LAMP3: variants seen among roughly 807,000 people sequenced by gnomAD.
The protein encoded by LAMP3 is lysosome associated membrane protein 3, also known as lysosome-associated membrane glycoprotein 3.
A neutral mutation model predicts 34.8 loss-of-function variants in LAMP3; 26 were observed. That is an observed-to-expected ratio of 0.75 (90% confidence interval 0.55 to 1.04). The LOEUF (loss-of-function observed/expected upper bound fraction) is 1.04, where lower values mean the gene tolerates loss of function less well. Among genes scored for constraint, LAMP3 ranks in the 50% least tolerant of loss-of-function variants. The probability of loss-of-function intolerance (pLI) is 0.00; values close to 1 mark genes in which losing one functional copy is unlikely to be tolerated. For synonymous variants in LAMP3, 180 were observed against 201.9 expected (o/e 0.89, Z 0.92); for missense variants, 495 against 524.0 (o/e 0.94, Z 0.54).
At chr3:183,140,045 A>T (rs547512156) in intron 4 of LAMP3, among the ~76,000 whole-genome samples, 2 of 152,314 alleles carry the variant, frequency 1.3e-5, no homozygotes, top group South Asian at 2.1e-4. Flanking sequence ...TGGGCAAATT[A>T]CAGCACACAG....
chr3:183,147,793 C>A (rs1388951503), intron 3 of LAMP3, among the ~76,000 whole-genome samples: 1 of 152,114 alleles, frequency 6.6e-6, no homozygotes. Flanking sequence ...TAGCTCATTG[C>A]AGCCTTGACC....
At chr3:183,132,845 C>T in intron 5 of LAMP3, 1 of 985,458 alleles carries the variant, frequency 1.0e-6, no homozygotes, top group Non-Finnish European at 1.2e-6. Flanking sequence ...TCTACTGGGC[C>T]TCTTTCTGGC....
intron 5 of LAMP3, among the ~76,000 whole-genome samples, chr3:183,133,189 A>G (rs1719979472): frequency 6.6e-6 from 1 of 152,214 alleles, no homozygotes. Context: ...GCCCAGACAC[A>G]TGCCCAAGAA....
At chr3:183,124,475 T>C (rs561373713) in intron 5 of LAMP3, among the ~76,000 whole-genome samples, 62 of 152,356 alleles carry the variant, frequency 4.1e-4, no homozygotes, top group African/African-American at 1.4e-3. Context: ...ATCATAATCC[T>C]TATTTCCTGA....
intron 1 of LAMP3, among the ~76,000 whole-genome samples, chr3:183,161,194 G>T (rs1720965767): frequency 6.6e-6 from 1 of 152,164 alleles, no homozygotes; most frequent in African/African-American, 2.4e-5. Context: ...AGGCCTCCCT[G>T]CTGGGAAGGG....
chr3:183,155,085 T>A (rs1156705432), intron 1 of LAMP3, among the ~76,000 whole-genome samples: 2 of 152,164 alleles, frequency 1.3e-5, no homozygotes, highest in African/African-American at 4.8e-5. Flanking sequence ...CGGCTAATTT[T>A]TGTATTTTTA....
rs267599701 is a variant in LAMP3 at position 183,135,787 on chromosome 3, G to A, written c.1047C>T (p.Ala349=). The stretch of plus-strand genomic sequence containing the variant: ...CATCGGTTGTTTTCACCTGCAGGTG[G>A]GCTGACAACTGGAGGCTCTGTTCAC... ...CVSEQSLQLS[A]HLQVKTTDVQ... is the part of the protein sequence containing the mutation. Residue 349 remains alanine, a synonymous_variant, in exon 5 of 6, where the codon GCC becomes GCT. Coordinates refer to ENST00000265598, the MANE Select transcript of LAMP3 (RefSeq NM_014398.4). 3 of 1,614,046 alleles carry A rather than the reference G, an allele frequency of 1.9e-6. No individual in the cohort carries two copies. The highest frequency in any genetic ancestry group is 2.5e-6 in the Non-Finnish European group (3 of 1,179,898).
intron 1 of LAMP3, among the ~76,000 whole-genome samples, chr3:183,157,288 A>G (rs1720848915): frequency 6.6e-6 from 1 of 152,138 alleles, no homozygotes; most frequent in South Asian, 2.1e-4. Context: ...GATACTTGAG[A>G]GTGGTAGGTT....
intron 3 of LAMP3, among the ~76,000 whole-genome samples, chr3:183,151,674 C>T (rs923240756): frequency 3.3e-5 from 5 of 152,002 alleles, no homozygotes; most frequent in Non-Finnish European, 5.9e-5. Context: ...GTGATCTGCC[C>T]GCCTCAGCCT....
rs201805861 is a variant in LAMP3, at chr3:183,135,847, G to C, written c.987C>G (p.Phe329Leu). The C allele has an allele frequency of 4.3e-5, 69 of 1,613,884 alleles. No individual in the cohort carries two copies. Among genetic ancestry groups the C allele is most frequent in the Non-Finnish European group, 5.6e-5 (66 of 1,179,896 alleles). ...YQGIKHAVVMFQTAVGHSFKC... is the reference protein window; with the variant it reads ...YQGIKHAVVMLQTAVGHSFKC... ...TGAAGGAATGCCCGACTGCTGTCTG[G>C]AACATCACCACCGCATGTTTGATTC... The change falls in exon 5 of 6, where the codon TTC becomes TTG. Residue 329 changes from phenylalanine (F) to leucine (L), a missense_variant. By Grantham distance (22) the Phe-to-Leu change is conservative. Coordinates refer to ENST00000265598, the MANE Select transcript of LAMP3 (RefSeq NM_014398.4).
chr3:183,144,632 A>G (rs538463066), intron 3 of LAMP3, among the ~76,000 whole-genome samples: 1 of 152,332 alleles, frequency 6.6e-6, no homozygotes, highest in Non-Finnish European at 1.5e-5. Context: ...CAACACTTGA[A>G]CACTGGTCAC....
intron 5 of LAMP3, 93 bp from the exon 6 acceptor site, chr3:183,124,307 C>G: frequency 8.5e-7 from 1 of 1,173,262 alleles, no homozygotes; most frequent in Non-Finnish European, 1.2e-6. Context: ...GCTTTGGCAT[C>G]AAACAAAGCT....
At chr3:183,124,867 TGTGACCA>T (rs1328637779) in intron 5 of LAMP3, among the ~76,000 whole-genome samples, 1 of 152,160 alleles carries the variant, frequency 6.6e-6, no homozygotes, top group Non-Finnish European at 1.5e-5. Flanking sequence ...AAAACATTTG[TGTGACCA>T]GTGACCAGAT....
In LAMP3 at chr3:183,140,542, A is replaced by T. The variant is rs768096890; in HGVS notation, c.942T>A (p.Asp314Glu). 6.3e-7 allele frequency: 1 copy of T among 1,590,644 alleles called. No individual in the cohort carries two copies. The highest frequency in any genetic ancestry group is 2.2e-5 in the East Asian group (1 of 44,720). ...SEVGAYLTVS[D>E]PETIYQGIKH... ...GGGCATTCTGTAATTACTAACCTGG[A>T]TCTGAGACGGTCAAATAGGCTCCCA... The change falls in exon 4 of 6, where the codon GAT (aspartate) becomes GAA (glutamate). Residue 314 changes from aspartate to glutamate, a missense_variant. Physicochemically the swap from Asp to Glu is conservative, Grantham distance 45. Transcript: ENST00000265598.
Position 183,152,563 on chromosome 3 carries a change from C to A in LAMP3, c.760-60G>T, listed in dbSNP as rs148584136. 18 of 1,482,440 alleles carry A rather than the reference C, an allele frequency of 1.2e-5. No individual in the cohort carries two copies. In the Admixed American group the frequency reaches 3.7e-4, roughly 30 times the overall value. 91.8% of individuals were successfully genotyped at this position (1,482,440 alleles called of 1,614,324 possible). ...GTAGAGGAAAACTCTAGCTAGGGAACCAGATGCACAGGCTAGTTTGTGAGC... is the reference window on the plus strand; with the variant it reads ...GTAGAGGAAAACTCTAGCTAGGGAAACAGATGCACAGGCTAGTTTGTGAGC... On this transcript the variant is annotated intron_variant, in intron 2 of 5. Coordinates refer to ENST00000265598, the MANE Select transcript of LAMP3 (RefSeq NM_014398.4).
intron 5 of LAMP3, among the ~76,000 whole-genome samples, chr3:183,133,309 T>G (rs73054108): frequency 0.032 from 4,930 of 152,254 alleles, 273 homozygotes; most frequent in African/African-American, 0.11. Flanking sequence ...TGATCAGAGT[T>G]ATGTCTTGAC....
At chr3:183,128,074 G>T (rs1375567211) in intron 5 of LAMP3, among the ~76,000 whole-genome samples, 2 of 151,758 alleles carry the variant, frequency 1.3e-5, no homozygotes, top group Non-Finnish European at 2.9e-5. Context: ...CATGAACCTG[G>T]GAGGCGGAGC....
Position 183,152,498 on chromosome 3 carries a change from A to C in LAMP3, c.765T>G (p.Phe255Leu). Residue 255 changes from phenylalanine (F) to leucine (L), a missense_variant, in exon 3 of 6, where the codon TTT becomes TTG. Transcript: ENST00000265598. ...CGATGTTGAAGTATCTCCGAGGTGA[A>C]AAAACCTAAATCAAGTTAGATAGAT... is the stretch of plus-strand genomic sequence containing the variant. ...QLIVQDKESV[F>L]SPRRYFNIDP... 1 of 1,609,598 alleles carries C rather than the reference A, an allele frequency of 6.2e-7. No individual in the cohort carries two copies. Among genetic ancestry groups the C allele is most frequent in the South Asian group, 1.1e-5 (1 of 90,388 alleles).
chr3:183,136,626 G>T (rs1720098673), intron 4 of LAMP3, among the ~76,000 whole-genome samples: 1 of 137,034 alleles, frequency 7.3e-6, no homozygotes, highest in South Asian at 2.5e-4. Flanking sequence ...ACTCCAGCCT[G>T]GGCAACAACA....
Sources: allele counts gnomAD v4.1 joint callset (sites outside exome capture counted in the v4.1 genomes callset), GRCh38; gene constraint gnomAD v4.1.1; transcripts MANE v1.5; gene names NCBI Gene and HGNC (gene_info 2026-07-23, HGNC 2026-07-21).